RAB11FIP5: variants seen among roughly 807,000 people sequenced by gnomAD.
RAB11FIP5 encodes the protein RAB11 family interacting protein 5.
RAB11FIP5 carries 48 observed loss-of-function variants against 85.1 expected under a neutral mutation model. The observed-to-expected ratio is 0.56, with a 90% CI of 0.45 to 0.72. RAB11FIP5 has a LOEUF of 0.72. Among genes scored for constraint, RAB11FIP5 ranks in the 30% least tolerant of loss-of-function variants. RAB11FIP5 has a pLI of 0.00. For synonymous variants in RAB11FIP5, 729 were observed against 727.3 expected (o/e 1.00, Z -0.04); for missense variants, 1,491 against 1,687.0 (o/e 0.88, Z 2.04).
chr2:73,098,638 C>T (rs1684369949), intron 1 of RAB11FIP5, among the ~76,000 whole-genome samples: 1 of 152,194 alleles, frequency 6.6e-6, no homozygotes, highest in South Asian at 2.1e-4. Context: ...TGCTGCCTCC[C>T]TCTGCAAGTA....
chr2:73,084,646 C>G (rs938383716), intron 3 of RAB11FIP5, among the ~76,000 whole-genome samples: 4 of 152,192 alleles, frequency 2.6e-5, no homozygotes, highest in African/African-American at 9.7e-5. Context: ...CCTGACAGCC[C>G]CTCTTCTTAA....
chr2:73,079,425 G>T (rs1004510292), intron 4 of RAB11FIP5, among the ~76,000 whole-genome samples: 1 of 152,120 alleles, frequency 6.6e-6, no homozygotes, highest in African/African-American at 2.4e-5. Context: ...CCTGGCTTGT[G>T]GGGGGCTGCC....
chr2:73,107,024 C>T (rs1292057118), intron 1 of RAB11FIP5, among the ~76,000 whole-genome samples: 1 of 152,198 alleles, frequency 6.6e-6, no homozygotes, highest in African/African-American at 2.4e-5. Flanking sequence ...TGTGGCCAGC[C>T]AAGTCCCTCT....
intron 1 of RAB11FIP5, among the ~76,000 whole-genome samples, chr2:73,103,050 C>T (rs1254595729): frequency 6.6e-6 from 1 of 152,228 alleles, no homozygotes; most frequent in African/African-American, 2.4e-5. Context: ...CAGCCTGCCT[C>T]ACACACTGGC....
At position 73,089,717 on chromosome 2, in the gene RAB11FIP5, C is replaced by T. The variant is rs1684171621; in HGVS notation, c.432-402G>A. Reference sequence around the variant, plus strand: ...GGAGAGCCCTCCCATCTCCAGGCCCCAGCACAGACAGACCTACCCACATTT... The same window carrying T: ...GGAGAGCCCTCCCATCTCCAGGCCCTAGCACAGACAGACCTACCCACATTT... On this transcript the variant is annotated intron_variant, in intron 1 of 5. Coordinates refer to ENST00000486777, the MANE Select transcript of RAB11FIP5 (RefSeq NM_001371272.1). This position sits in a 1 kb window ranked among gnomAD's most constrained non-coding sequence, Gnocchi z 4.6. 1 of 336,754 alleles carries T rather than the reference C, an allele frequency of 3.0e-6. No homozygotes were observed. Among genetic ancestry groups the T allele is most frequent in the African/African-American group, 2.1e-5 (1 of 46,532 alleles). 20.9% of individuals were successfully genotyped at this position (336,754 alleles called of 1,614,324 possible). A position where few individuals can be genotyped will look rare whatever the true frequency, so the allele number is the denominator to read the frequency against.
Position 73,106,720 on chromosome 2 carries a change from C to T in RAB11FIP5, c.431+5627G>A, listed in dbSNP as rs57395386. Reference sequence around the variant, plus strand: ...GTGGGCTGCCCGGGTCTAATGGAAACCACACAGAGCACACCCTCCACTAAG... The same window carrying T: ...GTGGGCTGCCCGGGTCTAATGGAAATCACACAGAGCACACCCTCCACTAAG... On this transcript the variant is annotated intron_variant, in intron 1 of 5. Coordinates refer to ENST00000486777, the MANE Select transcript of RAB11FIP5 (RefSeq NM_001371272.1). Among the ~76,000 whole-genome samples the T allele has an allele frequency of 2.6e-3, 398 of 152,362 alleles. 1 individual carries two copies. Among genetic ancestry groups the T allele is most frequent in the African/African-American group, 9.3e-3 (385 of 41,590 alleles).
At position 73,088,706 on chromosome 2, in the gene RAB11FIP5, C is replaced by T. The variant is rs1684145164; in HGVS notation, c.912G>A (p.Arg304=). ...AQSPKLFTHK[R]TYSDEANQMR... ...TCTGGTTGGCCTCATCGCTGTAGGTCCTCTTATGGGTGAACAGCTTGGGGG... is the reference window on the plus strand; with the variant it reads ...TCTGGTTGGCCTCATCGCTGTAGGTTCTCTTATGGGTGAACAGCTTGGGGG... The change falls in exon 3 of 6, where the codon AGG becomes AGA. Residue 304 remains arginine, a synonymous_variant. Coordinates refer to ENST00000486777, the MANE Select transcript of RAB11FIP5 (RefSeq NM_001371272.1). 3 of 1,611,718 alleles carry T rather than the reference C, an allele frequency of 1.9e-6. No individual in the cohort carries two copies. Among genetic ancestry groups the T allele is most frequent in the Non-Finnish European group, 2.5e-6 (3 of 1,179,450 alleles).
chr2:73,101,802 C>T (rs1219733715), intron 1 of RAB11FIP5, among the ~76,000 whole-genome samples: 1 of 152,224 alleles, frequency 6.6e-6, no homozygotes, highest in Non-Finnish European at 1.5e-5. Context: ...ATCCTGACAA[C>T]CAGCCTGACA....
chr2:73,104,047 T>C (rs1470213002), intron 1 of RAB11FIP5, among the ~76,000 whole-genome samples: 1 of 152,074 alleles, frequency 6.6e-6, no homozygotes, highest in Non-Finnish European at 1.5e-5. Context: ...GCCAGGCTCA[T>C]GGGAAGTACA....
rs953100672 is a variant in RAB11FIP5, at chr2:73,086,164, A to C, written c.1568+1886T>G. Among the ~76,000 whole-genome samples, 33 of 152,042 alleles carry C rather than the reference A, an allele frequency of 2.2e-4. No individual in the cohort carries two copies. Among genetic ancestry groups the C allele is most frequent in the African/African-American group, 7.7e-4 (32 of 41,390 alleles). Reference sequence around the variant, plus strand: ...TGTCCAGGCCAGGCCATCTTACCCAAAGCACAGCCCCTCCCACCCCATCTG... The same window carrying C: ...TGTCCAGGCCAGGCCATCTTACCCACAGCACAGCCCCTCCCACCCCATCTG... On this transcript the variant is annotated intron_variant, in intron 3 of 5. Transcript: ENST00000486777. This position sits in a 1 kb window ranked among gnomAD's most constrained non-coding sequence, Gnocchi z 4.4.
intron 4 of RAB11FIP5, among the ~76,000 whole-genome samples, 158 bp downstream of exon 4, chr2:73,079,493 G>C (rs1357065361): frequency 1.3e-5 from 2 of 152,176 alleles, no homozygotes; most frequent in African/African-American, 4.8e-5. Flanking sequence ...GAAAGCTCCT[G>C]TCTTCAAAGC....
intron 1 of RAB11FIP5, among the ~76,000 whole-genome samples, chr2:73,107,823 C>G (rs1286081355): frequency 6.6e-6 from 1 of 152,204 alleles, no homozygotes; most frequent in East Asian, 1.9e-4. Context: ...TGGGGCCGAG[C>G]AGGAGCCAAG....
chr2:73,075,890 AT>A lies in RAB11FIP5; in HGVS notation c.3771+102del. 1 of 1,474,376 alleles carries A rather than the reference AT, an allele frequency of 6.8e-7. No individual in the cohort carries two copies. Among genetic ancestry groups the A allele is most frequent in the Non-Finnish European group, 9.2e-7 (1 of 1,083,314 alleles). 91.3% of individuals were successfully genotyped at this position (1,474,376 alleles called of 1,614,324 possible). A position where few individuals can be genotyped will look rare whatever the true frequency, so the allele number is the denominator to read the frequency against. ...GCCTAACTGGCTTCAGGACTCTGAT[AT>A]GGGGGACCTGGCCTGCTCCCTGCCC... On this transcript the variant is annotated intron_variant, in intron 5 of 5. Coordinates refer to ENST00000486777, the MANE Select transcript of RAB11FIP5 (RefSeq NM_001371272.1). This position sits in a 1 kb window ranked among gnomAD's most constrained non-coding sequence, Gnocchi z 4.6.
intron 3 of RAB11FIP5, among the ~76,000 whole-genome samples, chr2:73,082,930 G>A (rs1390209978): frequency 6.6e-6 from 1 of 152,180 alleles, no homozygotes; most frequent in Non-Finnish European, 1.5e-5. Context: ...GGCAGACCTC[G>A]GTGGCCTCAC....
In RAB11FIP5 at chr2:73,112,497, C is replaced by T; in HGVS notation, c.281G>A (p.Gly94Asp). ...GLLRAQEADA[G>D]PAPWAASSAA... ...GGAGCTCGCGGCCCAGGGCGCCGGG[C>T]CCGCGTCGGCCTCCTGCGCCCGCAG... The change falls in exon 1 of 6, where the codon GGC becomes GAC. Residue 94 changes from glycine to aspartate, a missense_variant. Around this residue, in one of 3 missense-constraint regions of RAB11FIP5, gnomAD observed 1,211 missense variants for 1,338.0 expected, o/e 0.91. Coordinates refer to ENST00000486777, the MANE Select transcript of RAB11FIP5 (RefSeq NM_001371272.1). 6.7e-7 allele frequency: 1 copy of T among 1,491,252 alleles called. No homozygotes were observed. The allele number at this position is 1,491,252 out of a possible 1,614,324, so 92.4% of individuals were successfully genotyped here.
intron 1 of RAB11FIP5, among the ~76,000 whole-genome samples, chr2:73,099,565 C>T (rs1684389447): frequency 6.6e-6 from 1 of 152,194 alleles, no homozygotes; most frequent in Non-Finnish European, 1.5e-5. Flanking sequence ...GAACAGGGGG[C>T]CTGGTGAAGG....
chr2:73,102,864 T>C (rs1169394781), intron 1 of RAB11FIP5, among the ~76,000 whole-genome samples: 1 of 152,224 alleles, frequency 6.6e-6, no homozygotes, highest in Non-Finnish European at 1.5e-5. Context: ...ACTAAGTGGC[T>C]TGAAGCAGCC....
chr2:73,087,984 G>C (rs1468790242), intron 3 of RAB11FIP5, 66 bp downstream of exon 3: 2 of 1,438,220 alleles, frequency 1.4e-6, no homozygotes, highest in African/African-American at 2.8e-5. Flanking sequence ...CCCTGCCCCA[G>C]GGTCCAGGCA....
At chr2:73,111,229 G>C (rs1684649873) in intron 1 of RAB11FIP5, among the ~76,000 whole-genome samples, 1 of 151,900 alleles carries the variant, frequency 6.6e-6, no homozygotes, top group African/African-American at 2.4e-5. Context: ...AAACATTCAA[G>C]GTCAGATCCT....
Sources: gnomAD v4.1 joint callset for allele counts (sites outside exome capture counted in the v4.1 genomes callset) on GRCh38, gnomAD v4.1.1 for gene constraint, gnomAD v4.1.1 regional missense constraint, Gnocchi (gnomAD v3.1) non-coding constraint, MANE v1.5 for transcripts, NCBI Gene and HGNC (gene_info 2026-07-23, HGNC 2026-07-21) for gene names.